The following ITGBL1 variants were observed in gnomAD, a reference collection of about 807,000 sequenced individuals.
The protein encoded by ITGBL1 is integrin subunit beta like 1, also known as integrin beta-like protein 1.
Under a neutral mutation model 68.5 loss-of-function variants are expected in ITGBL1, and 51 were observed. That is an observed-to-expected ratio of 0.74 (90% CI 0.59 to 0.94). The LOEUF is 0.94. ITGBL1 is among the 40% of genes least tolerant of loss of function. The pLI, the probability that ITGBL1 is intolerant of heterozygous loss-of-function variation, is 0.00. For synonymous variants in ITGBL1, 209 were observed against 227.3 expected (o/e 0.92, Z 0.72); for missense variants, 649 against 647.4 (o/e 1.00, Z -0.03).
chr13:101,714,239 C>G (rs2139616911), intron 9 of ITGBL1, 199 bp from the exon 10 acceptor site: 1 of 583,274 alleles, frequency 1.7e-6, no homozygotes, highest in East Asian at 2.8e-5. Flanking sequence ...TGTCTAGATC[C>G]ATAATGAAGG....
At chr13:101,639,386 A>G (rs2032287696) in intron 7 of ITGBL1, among the ~76,000 whole-genome samples, 1 of 152,194 alleles carries the variant, frequency 6.6e-6, no homozygotes, top group Non-Finnish European at 1.5e-5. Flanking sequence ...AGAATTGAAG[A>G]TACACATATC....
At chr13:101,597,456 TAC>T (rs1211038081) in intron 6 of ITGBL1, among the ~76,000 whole-genome samples, 3 of 148,084 alleles carry the variant, frequency 2.0e-5, no homozygotes, top group Admixed American at 6.8e-5. Context: ...GCTTCAAAAA[TAC>T]AGTTAGTCCT....
chr13:101,560,967 A>C (rs760072701), intron 2 of ITGBL1, among the ~76,000 whole-genome samples: 29 of 152,184 alleles, frequency 1.9e-4, no homozygotes, highest in Admixed American at 9.8e-4. Flanking sequence ...CACTGAAGAA[A>C]AGTGGGACGA....
At position 101,497,826 on chromosome 13, in the gene ITGBL1, T is replaced by C. The variant is rs114494446; in HGVS notation, c.316+43726T>C. ...TGGAGGGGCTCTTCAAGCAAATATTTTGTCTCTTCTCAGTACAGTAATTAA... is the reference window on the plus strand; with the variant it reads ...TGGAGGGGCTCTTCAAGCAAATATTCTGTCTCTTCTCAGTACAGTAATTAA... On this transcript the variant is annotated intron_variant, in intron 2 of 10. Coordinates refer to ENST00000376180, the MANE Select transcript of ITGBL1 (RefSeq NM_004791.3). Among the ~76,000 whole-genome samples the C allele has an allele frequency of 3.8e-3, 573 of 152,262 alleles. 4 individuals are homozygous for C. The highest frequency in any genetic ancestry group is 0.013 in the African/African-American group (546 of 41,538).
intron 7 of ITGBL1, among the ~76,000 whole-genome samples, chr13:101,610,231 A>G (rs2031058855): frequency 6.6e-6 from 1 of 152,130 alleles, no homozygotes; most frequent in Non-Finnish European, 1.5e-5. Flanking sequence ...CAAACCAGAT[A>G]CTTTTATGGG....
intron 2 of ITGBL1, among the ~76,000 whole-genome samples, chr13:101,467,711 T>C (rs916247913): frequency 2.0e-5 from 3 of 152,182 alleles, no homozygotes; most frequent in Admixed American, 2.0e-4. Flanking sequence ...ACAACCCCAC[T>C]CTTAGGTTAT....
At chr13:101,659,402 G>A (rs11069452) in intron 7 of ITGBL1, among the ~76,000 whole-genome samples, 24,878 of 151,852 alleles carry the variant, frequency 0.16, 2,596 homozygotes, top group East Asian at 0.42. Context: ...AATTAAGATC[G>A]TTCTCCCAGT....
intron 3 of ITGBL1, among the ~76,000 whole-genome samples, chr13:101,574,986 A>G (rs1370919575): frequency 6.6e-6 from 1 of 152,186 alleles, no homozygotes; most frequent in African/African-American, 2.4e-5. Flanking sequence ...AATATTTATT[A>G]TATAAATAGT....
intron 2 of ITGBL1, among the ~76,000 whole-genome samples, chr13:101,510,237 A>G (rs1407223714): frequency 6.6e-6 from 1 of 151,992 alleles, no homozygotes; most frequent in Non-Finnish European, 1.5e-5. Flanking sequence ...TTTAGCTTCC[A>G]CTTGTAAGTG....
chr13:101,503,640 C>T (rs763000677), intron 2 of ITGBL1, among the ~76,000 whole-genome samples: 5 of 152,126 alleles, frequency 3.3e-5, no homozygotes, highest in African/African-American at 4.8e-5. Context: ...CCCTGAGTTT[C>T]CCGAAAAATG....
chr13:101,591,487 G>T (rs1594910833), intron 6 of ITGBL1, among the ~76,000 whole-genome samples: 1 of 152,110 alleles, frequency 6.6e-6, no homozygotes, highest in African/African-American at 2.4e-5. Context: ...TTAAATGAGA[G>T]ATTTAAATTC....
chr13:101,560,246 A>G (rs1251641018), intron 2 of ITGBL1, among the ~76,000 whole-genome samples: 1 of 152,232 alleles, frequency 6.6e-6, no homozygotes, highest in South Asian at 2.1e-4. Context: ...AGAAAAATTG[A>G]GTTTATCTGT....
chr13:101,697,399 T>C (rs191283074), intron 8 of ITGBL1, among the ~76,000 whole-genome samples: 1 of 152,198 alleles, frequency 6.6e-6, no homozygotes. Context: ...TCTTTGGGTA[T>C]TTTGATATTT....
chr13:101,601,686 G>A (rs570384679), intron 7 of ITGBL1, among the ~76,000 whole-genome samples: 135 of 152,154 alleles, frequency 8.9e-4, no homozygotes, highest in African/African-American at 3.2e-3. Flanking sequence ...CCTTCATTTC[G>A]TTATGTACCC....
intron 2 of ITGBL1, among the ~76,000 whole-genome samples, chr13:101,546,099 T>C (rs184221713): frequency 8.5e-5 from 13 of 152,298 alleles, no homozygotes; most frequent in Admixed American, 2.0e-4. Flanking sequence ...AAATAATAGC[T>C]TTGAGTGACA....
rs1386933711 is a variant in ITGBL1 at position 101,604,848 on chromosome 13, A to G, written c.1015+6549A>G. Among the ~76,000 whole-genome samples the G allele has an allele frequency of 3.0e-4, 4 of 13,414 alleles. No individual in the cohort carries two copies. The Admixed American group carries it at 4.2e-3, about 14-fold the overall frequency. The allele number at this position is 13,414 out of a possible 152,430, so 8.8% of individuals were successfully genotyped here. ...TTGTCAGGGACCAGGTGAAGGCAAT[A>G]TATATATATATATATATATATATAT... is the stretch of plus-strand genomic sequence containing the variant. On this transcript the variant is annotated intron_variant, in intron 7 of 10. Transcript: ENST00000376180.
intron 2 of ITGBL1, among the ~76,000 whole-genome samples, chr13:101,519,104 G>A (rs2049242324): frequency 6.6e-6 from 1 of 152,040 alleles, no homozygotes; most frequent in South Asian, 2.1e-4. Flanking sequence ...TTAAAAATAC[G>A]TATGTTCAAA....
intron 7 of ITGBL1, among the ~76,000 whole-genome samples, chr13:101,605,134 ATG>A (rs778764570): frequency 6.2e-5 from 9 of 144,060 alleles, no homozygotes; most frequent in East Asian, 2.0e-4. Context: ...ACATGTGTAT[ATG>A]TGTATATATA....
intron 7 of ITGBL1, among the ~76,000 whole-genome samples, chr13:101,690,245 A>G (rs1417390318): frequency 6.6e-6 from 1 of 152,236 alleles, no homozygotes; most frequent in African/African-American, 2.4e-5. Context: ...AATATGGGAC[A>G]GAAATTATCC....
Sources: allele counts gnomAD v4.1 joint callset (sites outside exome capture counted in the v4.1 genomes callset), GRCh38; gene constraint gnomAD v4.1.1; transcripts MANE v1.5; gene names NCBI Gene and HGNC (gene_info 2026-07-23, HGNC 2026-07-21).